The following TARS2 variants were observed in gnomAD, a reference collection of about 807,000 sequenced individuals.
The protein encoded by TARS2 is threonyl-tRNA synthetase 2, mitochondrial.
In TARS2, 61 loss-of-function variants were observed where a neutral mutation model predicts 94.4. The ratio of observed to expected loss-of-function variants is 0.65; its 90% CI spans 0.53 to 0.80. TARS2 has a LOEUF of 0.80. Among genes scored for constraint, TARS2 ranks in the 30% least tolerant of loss-of-function variants. The probability of loss-of-function intolerance (pLI) is 0.00; values close to 1 mark genes in which losing one functional copy is unlikely to be tolerated. For synonymous variants in TARS2, 359 were observed against 353.4 expected (o/e 1.02, Z -0.18); for missense variants, 704 against 902.5 (o/e 0.78, Z 2.82).
intron 13 of TARS2, among the ~76,000 whole-genome samples, chr1:150,503,585 A>ATATATGTGTGTGTGTG (rs1461714331): frequency 1.5e-5 from 2 of 137,110 alleles, no homozygotes; most frequent in African/African-American, 5.8e-5. Context: ...GTGTATATAT[A>ATATATGTGTGTGTGTG]TGTGTGTGTG....
intron 7 of TARS2, among the ~76,000 whole-genome samples, chr1:150,494,808 C>T (rs113524701): frequency 2.0e-5 from 3 of 152,136 alleles, no homozygotes; most frequent in Non-Finnish European, 2.9e-5. Flanking sequence ...GAGGCTGAGG[C>T]GAGTGAATCA....
Position 150,499,253 on chromosome 1 carries a change from G to C in TARS2, c.1577G>C (p.Trp526Ser). 6.2e-7 allele frequency: 1 copy of C among 1,614,154 alleles called. No individual in the cohort carries two copies. Among genetic ancestry groups the C allele is most frequent in the South Asian group, 1.1e-5 (1 of 91,090 alleles). The stretch of plus-strand genomic sequence containing the variant: ...GCCCTGAAGGAATTTGGAGAACCCT[G>C]GGACCTCAACTCTGGAGATGGTGCC... ...KQALKEFGEP[W>S]DLNSGDGAFY... Residue 526 changes from tryptophan to serine, a missense_variant, in exon 13 of 18, where the codon TGG becomes TCG. Physicochemically the swap from Trp to Ser is radical, Grantham distance 177. Around this residue, in one of 3 missense-constraint regions of TARS2, gnomAD observed 466 missense variants for 609.5 expected, o/e 0.76. Transcript: ENST00000369064.
chr1:150,494,903 C>T (rs1471603826), intron 7 of TARS2, among the ~76,000 whole-genome samples: 4 of 151,028 alleles, frequency 2.6e-5, no homozygotes, highest in African/African-American at 4.9e-5. Context: ...CAGGTGTGGC[C>T]GGGCGCAGTG....
Position 150,499,524 on chromosome 1 carries a change from C to T in TARS2, c.1617+231C>T, listed in dbSNP as rs587680775. Among the ~76,000 whole-genome samples, 7 of 152,092 alleles carry T rather than the reference C, an allele frequency of 4.6e-5. No homozygotes were observed. The South Asian group carries it at 1.0e-3, about 23-fold the overall frequency. On this transcript the variant is annotated intron_variant, in intron 13 of 17. Transcript: ENST00000369064. The stretch of plus-strand genomic sequence containing the variant: ...GATTACAGGTGTACGCCACCACACC[C>T]GGCTAATTTTTTTGTATTTTTAATA...
chr1:150,490,776 T>C, intron 4 of TARS2, 51 bp downstream of exon 4: 1 of 1,610,372 alleles, frequency 6.2e-7, no homozygotes, highest in Non-Finnish European at 8.5e-7. Flanking sequence ...TTTCTGAGGC[T>C]CTTTTCAGGG....
intron 2 of TARS2, chr1:150,488,638 A>C: frequency 4.3e-6 from 1 of 231,376 alleles, no homozygotes; most frequent in Non-Finnish European, 8.6e-6. Context: ...TACCCCAAAC[A>C]TTTATCATTT....
Position 150,499,281 on chromosome 1 carries a change from C to T in TARS2, c.1605C>T (p.Phe535=), listed in dbSNP as rs1432126649. The change falls in exon 13 of 18, where the codon TTC becomes TTT. Residue 535 remains phenylalanine (F), a synonymous_variant. Coordinates refer to ENST00000369064, the MANE Select transcript of TARS2 (RefSeq NM_025150.5). Reference sequence around the variant, plus strand: ...ACCTCAACTCTGGAGATGGTGCCTTCTATGGACCTAAGGTAAGCTTGGGAC... The same window carrying T: ...ACCTCAACTCTGGAGATGGTGCCTTTTATGGACCTAAGGTAAGCTTGGGAC... ...PWDLNSGDGA[F]YGPKIDVHLH... 6 of 1,614,052 alleles carry T rather than the reference C, an allele frequency of 3.7e-6. No homozygotes were observed. Among genetic ancestry groups the T allele is most frequent in the Non-Finnish European group, 4.2e-6 (5 of 1,180,010 alleles).
intron 12 of TARS2, 45 bp downstream of exon 12, chr1:150,499,079 G>T: frequency 6.2e-7 from 1 of 1,613,768 alleles, no homozygotes; most frequent in Non-Finnish European, 8.5e-7. Context: ...CCACTCTCTG[G>T]TGGGAAGGAG....
chr1:150,497,601 G>T lies in TARS2; in HGVS notation c.1092G>T (p.Gln364His), dbSNP rs754548080. ...PTLFSTKLWE[Q>H]SGHWEHYQED... ...TGTTTTCTACGAAGCTCTGGGAACA[G>T]TCAGGGCACTGGGAGCATTATCAGG... The change falls in exon 10 of 18, where the codon CAG becomes CAT. Residue 364 changes from glutamine (Q) to histidine (H), a missense_variant. By Grantham distance (24) the Gln-to-His change is conservative (BLOSUM62 0). This residue lies in a region of TARS2 where 466 missense variants were observed against 609.5 expected (regional missense o/e 0.76). Coordinates refer to ENST00000369064, the MANE Select transcript of TARS2 (RefSeq NM_025150.5). 6.2e-7 allele frequency: 1 copy of T among 1,614,050 alleles called. No homozygotes were observed. The highest frequency in any genetic ancestry group is 1.3e-5 in the African/African-American group (1 of 74,914).
At chr1:150,489,964 C>T in intron 3 of TARS2, among the ~76,000 whole-genome samples, 1 of 151,940 alleles carries the variant, frequency 6.6e-6, no homozygotes, top group Non-Finnish European at 1.5e-5. Flanking sequence ...TATTCTGAAG[C>T]CCTAAAAGCT....
At chr1:150,505,763 A>G in intron 17 of TARS2, 58 bp downstream of exon 17, 2 of 1,530,966 alleles carry the variant, frequency 1.3e-6, no homozygotes, top group Non-Finnish European at 9.0e-7. Flanking sequence ...CTTGCTGTTA[A>G]GTTTACCAAG....
At position 150,498,495 on chromosome 1, in the gene TARS2, A is replaced by G. The variant is rs973787193; in HGVS notation, c.1239-7A>G. 14 of 1,568,410 alleles carry G rather than the reference A, an allele frequency of 8.9e-6. No individual in the cohort carries two copies. The African/African-American group carries it at 1.1e-4, about 12-fold the overall frequency. ...ATGGCCCTGACCCCTCTGCACCCCA[A>G]CCTCAGCCTGATGTTCGCCCACCGG... On this transcript the variant is annotated splice_region_variant and splice_polypyrimidine_tract_variant and intron_variant, in intron 10 of 17. Coordinates refer to ENST00000369064, the MANE Select transcript of TARS2 (RefSeq NM_025150.5).
At chr1:150,488,866 T>C in intron 2 of TARS2, 98 bp from the exon 3 acceptor site, 1 of 1,502,898 alleles carries the variant, frequency 6.7e-7, no homozygotes, top group East Asian at 2.3e-5. Context: ...TGAGATCAAC[T>C]TTTTAAACTC....
chr1:150,491,589 T>G lies in TARS2; in HGVS notation c.631-9T>G. Reference sequence around the variant, plus strand: ...ACTTTTCTTCAATCTCCCTTCTACCTTTTTCCAGGATAACCCCTTTAAGCT... The same window carrying G: ...ACTTTTCTTCAATCTCCCTTCTACCGTTTTCCAGGATAACCCCTTTAAGCT... On this transcript the variant is annotated splice_polypyrimidine_tract_variant and intron_variant, in intron 5 of 17. Coordinates refer to ENST00000369064, the MANE Select transcript of TARS2 (RefSeq NM_025150.5). 1 of 1,612,984 alleles carries G rather than the reference T, an allele frequency of 6.2e-7. No individual in the cohort carries two copies. The highest frequency in any genetic ancestry group is 1.3e-5 in the African/African-American group (1 of 74,988).
rs757625891 is a variant in TARS2 at position 150,505,661 on chromosome 1, G to A, written c.1964G>A (p.Arg655Gln). The change falls in exon 17 of 18, where the codon CGG (arginine) becomes CAG (glutamine). Residue 655 changes from arginine (R) to glutamine (Q), a missense_variant. Transcript: ENST00000369064. Reference protein sequence around the residue: ...LDADSGLTLSRRIRRAQLAHY... With the variant: ...LDADSGLTLSQRIRRAQLAHY... ...GCAGACTCTGGACTGACCCTCAGCC[G>A]GAGAATCCGCCGGGCCCAGCTTGCC... 1.7e-5 allele frequency: 28 copies of A among 1,614,004 alleles called. No individual in the cohort carries two copies. Among genetic ancestry groups the A allele is most frequent in the Non-Finnish European group, 2.2e-5 (26 of 1,180,020 alleles).
intron 13 of TARS2, among the ~76,000 whole-genome samples, chr1:150,503,525 T>C (rs1670014280): frequency 7.1e-6 from 1 of 141,526 alleles, no homozygotes; most frequent in Admixed American, 7.2e-5. Context: ...CCATCCCTAC[T>C]GAAAAAAAAA....
rs767998446 is a variant in TARS2 at position 150,496,842 on chromosome 1, C to T, written c.954C>T (p.Ser318=). ...AGCTCTTCTTCTTCCATGAACTGAG[C>T]CCTGGGAGCTGCTTCTTCCTGCCAC... ...EQELFFFHEL[S]PGSCFFLPRG... is the part of the protein sequence containing the mutation. Residue 318 remains serine (S), a synonymous_variant, in exon 9 of 18, where the codon AGC becomes AGT. Coordinates refer to ENST00000369064, the MANE Select transcript of TARS2 (RefSeq NM_025150.5). 1.9e-6 allele frequency: 3 copies of T among 1,614,018 alleles called. No individual in the cohort carries two copies. Among genetic ancestry groups the T allele is most frequent in the Non-Finnish European group, 2.5e-6 (3 of 1,180,012 alleles).
At chr1:150,496,773 C>A in intron 8 of TARS2, 37 bp from the exon 9 acceptor site, 3 of 1,612,104 alleles carry the variant, frequency 1.9e-6, no homozygotes, top group South Asian at 1.1e-5. Flanking sequence ...ACCTCCTTGC[C>A]CTTGAGGTGA....
At chr1:150,504,573 G>A in intron 14 of TARS2, 59 bp from the exon 15 acceptor site, 1 of 1,589,902 alleles carries the variant, frequency 6.3e-7, no homozygotes, top group Non-Finnish European at 8.6e-7. Flanking sequence ...AGGTGATCTT[G>A]GGTACACAAT....
Sources: allele counts gnomAD v4.1 joint callset (sites outside exome capture counted in the v4.1 genomes callset), GRCh38; gene constraint gnomAD v4.1.1; regional missense constraint gnomAD v4.1.1; transcripts MANE v1.5; gene names NCBI Gene and HGNC (gene_info 2026-07-23, HGNC 2026-07-21).